ESF1: variants seen among roughly 807,000 people sequenced by gnomAD.
ESF1 encodes ESF1 homolog.
ESF1 carries 58 observed loss-of-function variants against 92.0 expected under a neutral mutation model. The observed-to-expected ratio is 0.63, with a 90% CI of 0.51 to 0.78. The LOEUF (loss-of-function observed/expected upper bound fraction) is 0.78. Ranked by LOEUF, ESF1 falls within the 30% of genes least tolerant of loss-of-function variation. The pLI is 0.00. For missense variants in ESF1, 922 were observed against 989.1 expected (o/e 0.93, Z 0.91); for synonymous variants, 321 against 313.7 (o/e 1.02, Z -0.24).
At chr20:13,767,882 CCACCTGT>C (rs1203178864) in intron 7 of ESF1, among the ~76,000 whole-genome samples, 3 of 152,122 alleles carry the variant, frequency 2.0e-5, no homozygotes, top group Non-Finnish European at 4.4e-5. Flanking sequence ...AAAATCACTG[CCACCTGT>C]CTCAGAAATT....
intron 8 of ESF1, among the ~76,000 whole-genome samples, chr20:13,761,170 T>C (rs1022611098): frequency 3.3e-5 from 5 of 152,132 alleles, no homozygotes; most frequent in Admixed American, 2.6e-4. Flanking sequence ...GTTAAACAGA[T>C]GCTTGAAGGC....
At chr20:13,750,011 G>C (rs1462842524) in intron 9 of ESF1, among the ~76,000 whole-genome samples, 1 of 152,168 alleles carries the variant, frequency 6.6e-6, no homozygotes, top group African/African-American at 2.4e-5. Context: ...AAAGCCATAG[G>C]AGTTTTTACT....
At chr20:13,726,408 T>C (rs931394245) in intron 11 of ESF1, among the ~76,000 whole-genome samples, 1 of 152,124 alleles carries the variant, frequency 6.6e-6, no homozygotes, top group Middle Eastern at 3.2e-3. Context: ...ATTCTCACCT[T>C]GGAGTCTTTC....
chr20:13,764,607 T>A (rs781344188), intron 8 of ESF1, among the ~76,000 whole-genome samples: 1 of 152,176 alleles, frequency 6.6e-6, no homozygotes, highest in Non-Finnish European at 1.5e-5. Context: ...ATATTTTGTA[T>A]GTTATATGTA....
intron 8 of ESF1, among the ~76,000 whole-genome samples, chr20:13,763,913 C>T (rs779766488): frequency 1.3e-5 from 2 of 152,098 alleles, no homozygotes; most frequent in Non-Finnish European, 2.9e-5. Flanking sequence ...ACATGATTTT[C>T]CATACTGTTA....
intron 8 of ESF1, among the ~76,000 whole-genome samples, chr20:13,760,446 G>C (rs1273797359): frequency 9.8e-5 from 11 of 112,760 alleles, no homozygotes; most frequent in African/African-American, 1.8e-4. Context: ...GCCCGGCCGC[G>C]ACCCCGTCTG....
chr20:13,748,451 T>TATATAC (rs1978386869), intron 9 of ESF1, among the ~76,000 whole-genome samples: 8 of 125,250 alleles, frequency 6.4e-5, no homozygotes, highest in South Asian at 4.4e-4. Flanking sequence ...CATATATACA[T>TATATAC]ATATATACAT....
chr20:13,772,667 T>C (rs779930759), intron 4 of ESF1, 52 bp from the exon 5 acceptor site: 35 of 1,291,176 alleles, frequency 2.7e-5, no homozygotes, highest in East Asian at 2.3e-5. Context: ...TTTACACAAA[T>C]ATCTAGACCT....
chr20:13,784,572 C>G (rs1980554984), intron 1 of ESF1, among the ~76,000 whole-genome samples: 1 of 152,124 alleles, frequency 6.6e-6, no homozygotes. Flanking sequence ...CCCGCATCCC[C>G]GTAGCCCACC....
At position 13,782,931 on chromosome 20, in the gene ESF1, A is replaced by C; in HGVS notation, c.210T>G (p.Arg70=). ...AATCAGAATCTGAAAGGTCGTAAAA[A>C]CGCTTCAAATCCTCTGTAGTGCTAT... The part of the protein sequence containing the change: ...ISHSTTEDLK[R]FYDLSDSDSN... Residue 70 remains arginine, a synonymous_variant, in exon 2 of 14, where the codon CGT becomes CGG. Transcript: ENST00000617257. 1.2e-6 allele frequency: 2 copies of C among 1,614,108 alleles called. No homozygotes were observed. Among genetic ancestry groups the C allele is most frequent in the Non-Finnish European group, 1.7e-6 (2 of 1,180,014 alleles).
chr20:13,760,868 G>T (rs539018274), intron 8 of ESF1, among the ~76,000 whole-genome samples: 1 of 152,346 alleles, frequency 6.6e-6, no homozygotes, highest in Non-Finnish European at 1.5e-5. Context: ...CCACCACCCC[G>T]TCTGGGAGGT....
At chr20:13,732,873 CA>C (rs1357039670) in intron 10 of ESF1, among the ~76,000 whole-genome samples, 1 of 151,948 alleles carries the variant, frequency 6.6e-6, no homozygotes, top group Non-Finnish European at 1.5e-5. Flanking sequence ...ATATTGTCCA[CA>C]GAAACCACAT....
intron 11 of ESF1, among the ~76,000 whole-genome samples, chr20:13,725,492 C>T (rs920759211): frequency 6.6e-6 from 1 of 152,160 alleles, no homozygotes; most frequent in Non-Finnish European, 1.5e-5. Context: ...TACCTTTCAC[C>T]TCAAACTTTA....
In ESF1 at chr20:13,717,435, T is replaced by C. The variant is rs755903747; in HGVS notation, c.2195A>G (p.Gln732Arg). 11 of 1,614,182 alleles carry C rather than the reference T, an allele frequency of 6.8e-6. No individual in the cohort carries two copies. In the Middle Eastern group the frequency reaches 4.9e-4, roughly 73 times the overall value. ...HFNYNKIVEH[Q>R]NLSKKKKKQL... ...CTTTTTCTTCTTTTTGCTCAGATTC[T>C]GGTGCTCCACAATCTTGTTGTAATT... Residue 732 changes from glutamine (Q) to arginine (R), a missense_variant, in exon 13 of 14, where the codon CAG (glutamine) becomes CGG (arginine). By Grantham distance (43) the Gln-to-Arg change is conservative. Coordinates refer to ENST00000617257, the MANE Select transcript of ESF1 (RefSeq NM_001276380.2).
At chr20:13,756,616 C>A (rs1433923321) in intron 9 of ESF1, among the ~76,000 whole-genome samples, 1 of 152,158 alleles carries the variant, frequency 6.6e-6, no homozygotes, top group East Asian at 1.9e-4. Context: ...TTTATAACAT[C>A]CCAGATACTT....
In ESF1 at chr20:13,782,985, G is replaced by C. The variant is rs377236260; in HGVS notation, c.156C>G (p.Ala52=). The stretch of plus-strand genomic sequence containing the variant: ...TAATGGGGCGCCCTCTTTTATCCAC[G>C]GCATAGTTCAACTTGAACTTCTTGT... ...FHDKKFKLNY[A]VDKRGRPISH... Residue 52 remains alanine, a synonymous_variant, in exon 2 of 14, where the codon GCC becomes GCG. Transcript: ENST00000617257. 6 of 1,613,982 alleles carry C rather than the reference G, an allele frequency of 3.7e-6. No homozygotes were observed. Among genetic ancestry groups the C allele is most frequent in the Non-Finnish European group, 5.1e-6 (6 of 1,180,000 alleles).
At chr20:13,739,915 T>C (rs1275542282) in intron 9 of ESF1, among the ~76,000 whole-genome samples, 2 of 152,084 alleles carry the variant, frequency 1.3e-5, no homozygotes, top group African/African-American at 2.4e-5. Context: ...GACCACTACA[T>C]TAAGCCAAGA....
chr20:13,772,563 C>G lies in ESF1; in HGVS notation c.1202G>C (p.Gly401Ala). The change falls in exon 5 of 14, where the codon GGA (glycine) becomes GCA (alanine). Residue 401 changes from glycine to alanine, a missense_variant. Physicochemically the swap from Gly to Ala is moderately conservative, Grantham distance 60 (BLOSUM62 0). Transcript: ENST00000617257. Reference sequence around the variant, plus strand: ...AGGAATACTTAATAGCTCTACTGGTCCTTGAACTTGCTCTTCCTTCATCCT... The same window carrying G: ...AGGAATACTTAATAGCTCTACTGGTGCTTGAACTTGCTCTTCCTTCATCCT... ...KERMKEEQVQ[G>A]PVELLSIPED... 6.2e-7 allele frequency: 1 copy of G among 1,613,048 alleles called. No homozygotes were observed.
At chr20:13,766,420 G>GA (rs2147768616) in intron 8 of ESF1, among the ~76,000 whole-genome samples, 1 of 152,178 alleles carries the variant, frequency 6.6e-6, no homozygotes, top group Non-Finnish European at 1.5e-5. Context: ...TTAACTAGTT[G>GA]AAAAAATGGA....
Sources: allele counts gnomAD v4.1 joint callset (sites outside exome capture counted in the v4.1 genomes callset), GRCh38; gene constraint gnomAD v4.1.1; transcripts MANE v1.5; gene names NCBI Gene and HGNC (gene_info 2026-07-23, HGNC 2026-07-21).